Variants in KANK1 observed in about 807,000 individuals in gnomAD.
The protein encoded by KANK1 is KN motif and ankyrin repeat domain-containing protein 1.
Under a neutral mutation model 106.2 loss-of-function variants are expected in KANK1, and 109 were observed. The ratio of observed to expected loss-of-function variants is 1.03; its 90% CI spans 0.88 to 1.20. The LOEUF is 1.20. KANK1 is among the 50% of genes most tolerant of loss of function. The pLI is 0.00. For missense variants in KANK1, 2,399 were observed against 1,710.7 expected, an observed-to-expected ratio of 1.40 and a Z score of -7.10; for synonymous variants, 873 against 652.2, an observed-to-expected ratio of 1.34 and a Z score of -5.16.
intron 1 of KANK1, among the ~76,000 whole-genome samples, chr9:578,950 T>C (rs1375381359): frequency 6.6e-6 from 1 of 152,210 alleles, no homozygotes; most frequent in Non-Finnish European, 1.5e-5. Context: ...TCTAGGAATT[T>C]GACTGTTATA....
intron 1 of KANK1, among the ~76,000 whole-genome samples, chr9:596,944 AGT>A (rs1342020512): frequency 1.3e-4 from 17 of 129,470 alleles, no homozygotes; most frequent in Non-Finnish European, 5.7e-5. Flanking sequence ...ATCTGCTTTC[AGT>A]CTCTATGAAT....
At chr9:533,878 T>G (rs755232908) in intron 1 of KANK1, among the ~76,000 whole-genome samples, 1 of 152,240 alleles carries the variant, frequency 6.6e-6, no homozygotes, top group Non-Finnish European at 1.5e-5. Context: ...CTTTTCCATG[T>G]TTGTGAAAAG....
At chr9:535,643 C>T (rs1381103713) in intron 1 of KANK1, among the ~76,000 whole-genome samples, 2 of 152,144 alleles carry the variant, frequency 1.3e-5, no homozygotes, top group Admixed American at 6.5e-5. Flanking sequence ...CAGAGTTGTC[C>T]CTGAGTTGTT....
chr9:594,665 T>C (rs1176433081), intron 1 of KANK1, among the ~76,000 whole-genome samples: 1 of 151,882 alleles, frequency 6.6e-6, no homozygotes, highest in African/African-American at 2.4e-5. Context: ...GTTTTTTTGA[T>C]TTCCTAAACT....
intron 1 of KANK1, among the ~76,000 whole-genome samples, chr9:546,686 A>G (rs913623519): frequency 6.6e-6 from 1 of 151,564 alleles, no homozygotes; most frequent in African/African-American, 2.4e-5. Context: ...CAAGCAGTAA[A>G]TTCTGTAATG....
At chr9:608,031 A>ATTTT (rs1175822024) in intron 1 of KANK1, among the ~76,000 whole-genome samples, 12,357 of 86,918 alleles carry the variant, frequency 0.14, 836 homozygotes, top group East Asian at 0.24. Flanking sequence ...TATTATTATT[A>ATTTT]TTATTTTTTT....
chr9:733,140 A>G (rs1035526817), intron 6 of KANK1: 2 of 152,406 alleles, frequency 1.3e-5, no homozygotes, highest in East Asian at 1.9e-4. Context: ...GGATTTGGGT[A>G]TATCATAAAT....
At chr9:738,206 G>A (rs1018215532) in intron 7 of KANK1, 79 bp from the exon 8 acceptor site, 1 of 1,152,648 alleles carries the variant, frequency 8.7e-7, no homozygotes, top group Non-Finnish European at 1.3e-6. Flanking sequence ...ACTATAAAAG[G>A]ACAGGTTACT....
rs973440847 is a variant in KANK1 at position 745,393 on chromosome 9, G to C, written c.*158G>C. The C allele has an allele frequency of 8.6e-5, 74 of 864,486 alleles. No individual in the cohort carries two copies. The highest frequency in any genetic ancestry group is 1.0e-4 in the Non-Finnish European group (55 of 545,330). The allele number at this position is 864,486 out of a possible 1,614,324, so 53.6% of individuals were successfully genotyped here. A position where few individuals can be genotyped will look rare whatever the true frequency, so the allele number is the denominator to read the frequency against. ...AAGGCTGAAGCTTTCACAGTGCAGAGACTGCTAGCCTGGGCACACACACCT... is the reference window on the plus strand; with the variant it reads ...AAGGCTGAAGCTTTCACAGTGCAGACACTGCTAGCCTGGGCACACACACCT... On this transcript the variant is annotated 3_prime_UTR_variant, in exon 12 of 12. Coordinates refer to ENST00000382297, the MANE Select transcript of KANK1 (RefSeq NM_015158.5).
intron 5 of KANK1, chr9:732,055 G>T (rs73374879): frequency 1.2e-4 from 23 of 198,862 alleles, no homozygotes; most frequent in South Asian, 4.2e-4. Context: ...CATGGGGTGG[G>T]GGGGGGACAA....
chr9:549,808 G>GA (rs2061163892), intron 1 of KANK1: 2 of 152,308 alleles, frequency 1.3e-5, no homozygotes, highest in African/African-American at 4.8e-5. Context: ...GCAGGTGGCG[G>GA]TTATTGTCTG....
At chr9:496,672 A>G (rs1407760752) in intron 3 of KANK1, among the ~76,000 whole-genome samples, 7 of 152,232 alleles carry the variant, frequency 4.6e-5, no homozygotes, top group Non-Finnish European at 1.0e-4. Flanking sequence ...GTCTAATAGC[A>G]TTACAAGTTG....
chr9:651,092 G>C (rs1055565920), intron 1 of KANK1, among the ~76,000 whole-genome samples: 4 of 152,156 alleles, frequency 2.6e-5, no homozygotes, highest in African/African-American at 9.7e-5. Context: ...ATCTGTGAAA[G>C]GAGGAATTTG....
chr9:596,414 A>G (rs1297374486), intron 1 of KANK1, among the ~76,000 whole-genome samples: 1 of 151,822 alleles, frequency 6.6e-6, no homozygotes, highest in Admixed American at 6.5e-5. Context: ...AGAAAAGACT[A>G]AAGGCAACCA....
chr9:485,380 T>G (rs1003184058), intron 3 of KANK1, among the ~76,000 whole-genome samples: 1 of 152,236 alleles, frequency 6.6e-6, no homozygotes, highest in Non-Finnish European at 1.5e-5. Flanking sequence ...TTAGTAAATT[T>G]TCAAAGTAAC....
chr9:592,141 G>A (rs1825066841), intron 1 of KANK1, among the ~76,000 whole-genome samples: 1 of 151,762 alleles, frequency 6.6e-6, no homozygotes, highest in Admixed American at 6.6e-5. Flanking sequence ...AACCTTCTTG[G>A]AAGAGGTTTT....
At chr9:615,366 T>C (rs1189933648) in intron 1 of KANK1, among the ~76,000 whole-genome samples, 1 of 152,240 alleles carries the variant, frequency 6.6e-6, no homozygotes, top group Non-Finnish European at 1.5e-5. Flanking sequence ...CATCATATGC[T>C]CTTCCTTTTT....
intron 3 of KANK1, among the ~76,000 whole-genome samples, chr9:720,509 G>GT: frequency 6.6e-6 from 1 of 152,238 alleles, no homozygotes; most frequent in South Asian, 2.1e-4. Flanking sequence ...ATGCCCAGCT[G>GT]TTTTTTGTTT....
chr9:509,648 C>T (rs1474810173), intron 1 of KANK1, among the ~76,000 whole-genome samples: 2 of 152,152 alleles, frequency 1.3e-5, no homozygotes, highest in East Asian at 3.8e-4. Context: ...CTAGTACATA[C>T]CGTTGTGGAA....
Sources: gnomAD v4.1 joint callset for allele counts (sites outside exome capture counted in the v4.1 genomes callset) on GRCh38, gnomAD v4.1.1 for gene constraint, MANE v1.5 for transcripts, NCBI Gene and HGNC (gene_info 2026-07-23, HGNC 2026-07-21) for gene names.